The following DIAPH2 variants were observed in gnomAD, a reference collection of about 807,000 sequenced individuals.
DIAPH2 encodes the protein protein diaphanous homolog 2.
A neutral mutation model predicts 92.7 loss-of-function variants in DIAPH2; 35 were observed. The ratio of observed to expected loss-of-function variants is 0.38; its 90% CI spans 0.29 to 0.50. The LOEUF (loss-of-function observed/expected upper bound fraction) is 0.50. DIAPH2 is among the 20% of genes least tolerant of loss of function. The pLI is 0.94. For synonymous variants in DIAPH2, 301 were observed against 280.4 expected (o/e 1.07, Z -0.73); for missense variants, 701 against 819.5 (o/e 0.86, Z 1.77).
chrX:97,091,195 G>A (rs745434727), intron 19 of DIAPH2, among the ~76,000 whole-genome samples: 1 of 110,803 alleles, frequency 9.0e-6, no homozygotes, highest in East Asian at 2.8e-4. Flanking sequence ...TAACTTTTTT[G>A]TATACCTTTC....
chrX:96,701,827 G>A (rs371411084), intron 1 of DIAPH2, among the ~76,000 whole-genome samples: 20 of 111,686 alleles, frequency 1.8e-4, no homozygotes, highest in South Asian at 3.7e-4. Flanking sequence ...GGGAACTAAC[G>A]TTTAGTGAGC....
intron 26 of DIAPH2, among the ~76,000 whole-genome samples, chrX:97,579,045 G>C (rs2071419543): frequency 9.7e-6 from 1 of 102,856 alleles, no homozygotes; most frequent in African/African-American, 3.5e-5. Flanking sequence ...AAATTTGTTT[G>C]AGTTCATTGT....
At chrX:96,961,574 G>T (rs2065849064) in intron 16 of DIAPH2, among the ~76,000 whole-genome samples, 1 of 108,024 alleles carries the variant, frequency 9.3e-6, no homozygotes, top group African/African-American at 3.3e-5. Context: ...ACTGATTTGG[G>T]GTTTGGTTTG....
At chrX:97,292,031 T>C in intron 23 of DIAPH2, among the ~76,000 whole-genome samples, 1 of 109,778 alleles carries the variant, frequency 9.1e-6, no homozygotes, top group East Asian at 2.9e-4. Context: ...ATATTTCTGC[T>C]CTATTAATAC....
Position 97,300,931 on chromosome X carries a change from T to TAAAAAAAAAAAAAAA in DIAPH2, c.2845-47165_2845-47151dup, listed in dbSNP as rs774601881. Among the ~76,000 whole-genome samples, 10 of 10,789 alleles carry TAAAAAAAAAAAAAAA rather than the reference T, an allele frequency of 9.3e-4. 1 individual carries two copies. The highest frequency in any genetic ancestry group is 1.2e-3 in the African/African-American group (4 of 3,353). The allele number at this position is 10,789 out of a possible 115,157, so 9.4% of individuals were successfully genotyped here. A position where few individuals can be genotyped will look rare whatever the true frequency, so the allele number is the denominator to read the frequency against. ...TGGGCCACAGAGCAAGACTCCGTCT[T>TAAAAAAAAAAAAAAA]AAAAAAAAAAAAAAAAAAAAAAAAA... On this transcript the variant is annotated intron_variant, in intron 23 of 26. Coordinates refer to ENST00000324765, the MANE Select transcript of DIAPH2 (RefSeq NM_006729.5).
At chrX:97,138,969 A>T (rs764680939) in intron 21 of DIAPH2, among the ~76,000 whole-genome samples, 16 of 111,651 alleles carry the variant, frequency 1.4e-4, no homozygotes, top group African/African-American at 4.9e-4. Flanking sequence ...TTTTAATATG[A>T]TTTCATATTA....
At chrX:97,067,418 A>G (rs1022894701) in intron 17 of DIAPH2, among the ~76,000 whole-genome samples, 2 of 111,901 alleles carry the variant, frequency 1.8e-5, no homozygotes, top group African/African-American at 6.5e-5. Flanking sequence ...ACAAAGGCTA[A>G]TTTAGCAAAC....
intron 4 of DIAPH2, among the ~76,000 whole-genome samples, chrX:96,845,164 AT>A (rs2064963182): frequency 9.0e-6 from 1 of 111,578 alleles, no homozygotes; most frequent in Non-Finnish European, 1.9e-5. Context: ...CACTGTAAAT[AT>A]TTTAAGGTTG....
chrX:97,238,062 C>G (rs1168554616), intron 22 of DIAPH2, among the ~76,000 whole-genome samples: 1 of 112,114 alleles, frequency 8.9e-6, no homozygotes, highest in Non-Finnish European at 1.9e-5. Context: ...GGCAGAATAA[C>G]ACTTGCAGAA....
At chrX:97,146,033 T>A (rs202077165) in intron 22 of DIAPH2, among the ~76,000 whole-genome samples, 3 of 87,367 alleles carry the variant, frequency 3.4e-5, no homozygotes, top group Non-Finnish European at 4.7e-5. Flanking sequence ...TTTTTTTTTT[T>A]ACTAAAGCCT....
chrX:97,303,752 A>G (rs2068725125), intron 23 of DIAPH2, among the ~76,000 whole-genome samples: 1 of 112,077 alleles, frequency 8.9e-6, no homozygotes, highest in Non-Finnish European at 1.9e-5. Context: ...GACTTTTAAT[A>G]TGCTATTTTT....
chrX:96,742,884 G>A (rs770943655), intron 3 of DIAPH2, among the ~76,000 whole-genome samples: 1 of 111,453 alleles, frequency 9.0e-6, no homozygotes, highest in East Asian at 2.8e-4. Context: ...AGCTGGTCTC[G>A]AACTCCTGAC....
At chrX:97,253,298 T>A (rs1390029631) in intron 23 of DIAPH2, among the ~76,000 whole-genome samples, 7 of 99,992 alleles carry the variant, frequency 7.0e-5, no homozygotes, top group African/African-American at 2.7e-4. Flanking sequence ...TAAAAAAAAA[T>A]AAAATAAAAT....
intron 21 of DIAPH2, among the ~76,000 whole-genome samples, chrX:97,124,827 G>A (rs1444140822): frequency 9.0e-6 from 1 of 111,236 alleles, no homozygotes; most frequent in Non-Finnish European, 1.9e-5. Context: ...TATATACATG[G>A]GACATACTTG....
chrX:97,146,723 A>G (rs747601525), intron 22 of DIAPH2, among the ~76,000 whole-genome samples: 3 of 112,114 alleles, frequency 2.7e-5, no homozygotes, highest in Non-Finnish European at 5.6e-5. Context: ...AAACTATGGT[A>G]TAAACTTGGC....
chrX:96,992,776 T>G (rs972422168), intron 17 of DIAPH2, among the ~76,000 whole-genome samples: 8 of 112,290 alleles, frequency 7.1e-5, no homozygotes, highest in African/African-American at 2.6e-4. Flanking sequence ...ATATGACTAA[T>G]GCATACAGGT....
intron 4 of DIAPH2, among the ~76,000 whole-genome samples, chrX:96,872,963 T>C (rs952942555): frequency 8.0e-5 from 9 of 112,073 alleles, no homozygotes; most frequent in Non-Finnish European, 1.7e-4. Flanking sequence ...CTGGACCAAA[T>C]GGTAGCTCAA....
chrX:97,437,536 C>T (rs979319115), intron 26 of DIAPH2, among the ~76,000 whole-genome samples: 8 of 110,681 alleles, frequency 7.2e-5, no homozygotes, highest in Admixed American at 3.9e-4. Flanking sequence ...AGCAACTAAC[C>T]GCCTGGAGAA....
In DIAPH2 at chrX:97,570,109, TA is replaced by T. The variant is rs1338205915; in HGVS notation, c.3242-29143del. 2.1e-3 allele frequency among the ~76,000 whole-genome samples: 68 copies of T among 32,623 alleles called. 2 individuals are homozygous for T. Among genetic ancestry groups the T allele is most frequent in the African/African-American group, 5.8e-3 (63 of 10,810 alleles). 28.3% of individuals were successfully genotyped at this position (32,623 alleles called of 115,157 possible). ...ATATATATATATATATATATATATA[TA>T]TATATATATATATTAGAAGATAGAT... On this transcript the variant is annotated intron_variant, in intron 26 of 26. Coordinates refer to ENST00000324765, the MANE Select transcript of DIAPH2 (RefSeq NM_006729.5).
Sources: allele counts gnomAD v4.1 joint callset (sites outside exome capture counted in the v4.1 genomes callset), GRCh38; gene constraint gnomAD v4.1.1; transcripts MANE v1.5; gene names NCBI Gene and HGNC (gene_info 2026-07-23, HGNC 2026-07-21).